Variants in AKAP13 observed in about 807,000 individuals in gnomAD.
The protein encoded by AKAP13 is A-kinase anchoring protein 13, also known as A-kinase anchor protein 13.
A neutral mutation model predicts 264.5 loss-of-function variants in AKAP13; 80 were observed. The observed-to-expected ratio is 0.30, with a 90% CI of 0.25 to 0.36. The LOEUF (loss-of-function observed/expected upper bound fraction) is 0.36, where lower values mean the gene tolerates loss of function less well. AKAP13 is among the 10% of genes least tolerant of loss of function. The pLI, the probability that AKAP13 is intolerant of heterozygous loss-of-function variation, is 1.00. For synonymous variants in AKAP13, 1,380 were observed against 1,250.2 expected (o/e 1.10, Z -2.19); for missense variants, 3,712 against 3,435.2 (o/e 1.08, Z -2.01).
intron 23 of AKAP13, among the ~76,000 whole-genome samples, chr15:85,719,631 T>C (rs1027594968): frequency 1.3e-5 from 2 of 152,130 alleles, no homozygotes; most frequent in Non-Finnish European, 2.9e-5. Context: ...AGAAACAGTA[T>C]AGTTTAAGAA....
intron 1 of AKAP13, among the ~76,000 whole-genome samples, chr15:85,438,451 G>T (rs932330936): frequency 6.6e-6 from 1 of 151,400 alleles, no homozygotes; most frequent in Non-Finnish European, 1.5e-5. Context: ...TTTCTTCACA[G>T]AATTGGAAAA....
At chr15:85,678,609 C>G (rs1462994519) in intron 14 of AKAP13, among the ~76,000 whole-genome samples, 2 of 152,190 alleles carry the variant, frequency 1.3e-5, no homozygotes. Context: ...CACCTCTAAT[C>G]CCAGCACTTT....
In AKAP13 at chr15:85,719,212, C is replaced by A. The variant is rs1276643904; in HGVS notation, c.6138C>A (p.Ile2046=). ...TGTTCCCCTGTTTGGATGAGCTGAT[C>A]AGTATCCATAGCCAATTCTTCCAGA... The part of the protein sequence containing the change: ...EKLFPCLDEL[I]SIHSQFFQRI... The change falls in exon 23 of 37, where the codon ATC becomes ATA. Residue 2046 remains isoleucine (I), a synonymous_variant. Coordinates refer to ENST00000394518, the MANE Select transcript of AKAP13 (RefSeq NM_007200.5). The A allele has an allele frequency of 1.2e-6, 2 of 1,614,024 alleles. No homozygotes were observed. Among genetic ancestry groups the A allele is most frequent in the African/African-American group, 1.3e-5 (1 of 74,916 alleles).
chr15:85,730,997 C>CTTTT lies in AKAP13; in HGVS notation c.7282+311_7282+314dup, dbSNP rs71468134. 3.7e-3 allele frequency among the ~76,000 whole-genome samples: 213 copies of CTTTT among 57,414 alleles called. 1 individual carries two copies. The highest frequency in any genetic ancestry group is 4.3e-3 in the East Asian group (7 of 1,614). The allele number at this position is 57,414 out of a possible 152,430, so 37.7% of individuals were successfully genotyped here. ...ACTGTTTTTTAATTAGTCACTTATG[C>CTTTT]TTTTTTTTTTTTTTTTTTTTTTTTG... On this transcript the variant is annotated intron_variant, in intron 30 of 36. Transcript: ENST00000394518.
intron 20 of AKAP13, among the ~76,000 whole-genome samples, chr15:85,716,536 T>C (rs572009684): frequency 6.6e-6 from 1 of 152,286 alleles, no homozygotes; most frequent in South Asian, 2.1e-4. Context: ...TGCCTTCCCG[T>C]CGGGTGAATA....
intron 2 of AKAP13, among the ~76,000 whole-genome samples, 190 bp from the exon 3 acceptor site, chr15:85,521,238 C>A (rs1393416553): frequency 6.6e-6 from 1 of 152,166 alleles, no homozygotes; most frequent in Non-Finnish European, 1.5e-5. Flanking sequence ...CAGGTTCATT[C>A]TGTATTGTGA....
chr15:85,708,490 G>T lies in AKAP13; in HGVS notation c.5532+404G>T, dbSNP rs2086441688. Among the ~76,000 whole-genome samples, 1 of 152,076 alleles carries T rather than the reference G, an allele frequency of 6.6e-6. No homozygotes were observed. On this transcript the variant is annotated intron_variant, in intron 18 of 36. Coordinates refer to ENST00000394518, the MANE Select transcript of AKAP13 (RefSeq NM_007200.5). The surrounding 1 kb of genome is among the most constrained non-coding windows in gnomAD (Gnocchi z 4.3). ...CAGGGGCATTGACCTGCTGGTGGGGGTGGGGAGGGTGTTATGGTTAGCCCC... is the reference window on the plus strand; with the variant it reads ...CAGGGGCATTGACCTGCTGGTGGGGTTGGGGAGGGTGTTATGGTTAGCCCC...
chr15:85,578,892 C>T (rs1170127849), intron 6 of AKAP13, 38 bp from the exon 7 acceptor site: 1 of 1,583,480 alleles, frequency 6.3e-7, no homozygotes, highest in East Asian at 2.3e-5. Flanking sequence ...TCTTCTCCTA[C>T]AGGCAGTTTT....
intron 9 of AKAP13, among the ~76,000 whole-genome samples, chr15:85,645,346 A>G (rs968791900): frequency 7.2e-5 from 11 of 152,208 alleles, no homozygotes; most frequent in Non-Finnish European, 1.5e-4. Flanking sequence ...AGAGCTATTT[A>G]TGGTAAGAAA....
intron 25 of AKAP13, 60 bp from the exon 26 acceptor site, chr15:85,723,012 C>G (rs2087392994): frequency 1.3e-6 from 2 of 1,574,644 alleles, no homozygotes; most frequent in South Asian, 1.2e-5. Context: ...TCAGGATTCC[C>G]TTGCTTCTGC....
intron 16 of AKAP13, among the ~76,000 whole-genome samples, chr15:85,686,237 C>T (rs898155557): frequency 6.6e-6 from 1 of 151,656 alleles, no homozygotes; most frequent in Admixed American, 6.6e-5. Context: ...GATATATACA[C>T]ACGTAGATAC....
At chr15:85,662,396 G>A (rs375427354) in intron 12 of AKAP13, 1 of 1,613,964 alleles carries the variant, frequency 6.2e-7, no homozygotes, top group African/African-American at 1.3e-5. Flanking sequence ...AGTATGAGCT[G>A]GTGCCCCTCT....
At chr15:85,679,266 A>G (rs530521689) in intron 14 of AKAP13, among the ~76,000 whole-genome samples, 1 of 152,096 alleles carries the variant, frequency 6.6e-6, no homozygotes, top group South Asian at 2.1e-4. Context: ...CAAAAAACCA[A>G]GGTCCTGCTA....
At chr15:85,554,980 A>C (rs1272321660) in intron 5 of AKAP13, among the ~76,000 whole-genome samples, 1 of 151,916 alleles carries the variant, frequency 6.6e-6, no homozygotes, top group Admixed American at 6.6e-5. Context: ...TTTTCTTTGC[A>C]CTCTCCTTAT....
Position 85,741,315 on chromosome 15 carries a change from G to A in AKAP13, c.7878G>A (p.Val2626=). 6.2e-7 allele frequency: 1 copy of A among 1,612,458 alleles called. No individual in the cohort carries two copies. Among genetic ancestry groups the A allele is most frequent in the Non-Finnish European group, 8.5e-7 (1 of 1,179,436 alleles). Residue 2626 remains valine, a synonymous_variant, in exon 35 of 37, where the codon GTG becomes GTA. Coordinates refer to ENST00000394518, the MANE Select transcript of AKAP13 (RefSeq NM_007200.5). The stretch of plus-strand genomic sequence containing the variant: ...TCCTGGCCCAGCGCGAGGAGGAGGT[G>A]CAGCAGGGGCAGCAGGACCTGGAAA... ...EALLAQREEE[V]QQGQQDLEKE...
At chr15:85,675,932 G>A (rs2084201852) in intron 14 of AKAP13, among the ~76,000 whole-genome samples, 1 of 150,128 alleles carries the variant, frequency 6.7e-6, no homozygotes, top group Admixed American at 6.6e-5. Context: ...TTTTTTTTGA[G>A]AAGGAGTCTC....
At chr15:85,538,119 G>C (rs1337752435) in intron 4 of AKAP13, among the ~76,000 whole-genome samples, 1 of 152,050 alleles carries the variant, frequency 6.6e-6, no homozygotes, top group Non-Finnish European at 1.5e-5. Context: ...GTAAGCTAGG[G>C]GGGTGTTTTC....
intron 9 of AKAP13, among the ~76,000 whole-genome samples, chr15:85,644,290 G>C (rs1286279288): frequency 2.0e-5 from 3 of 149,596 alleles, no homozygotes; most frequent in African/African-American, 7.4e-5. Context: ...GGAGTGCAAT[G>C]GCGTGATCTT....
At chr15:85,487,772 C>T (rs2075603393) in intron 2 of AKAP13, among the ~76,000 whole-genome samples, 1 of 151,410 alleles carries the variant, frequency 6.6e-6, no homozygotes, top group East Asian at 1.9e-4. Flanking sequence ...TGCTCTGTCA[C>T]CCAGCCTGGA....
Sources: gnomAD v4.1 joint callset for allele counts (sites outside exome capture counted in the v4.1 genomes callset) on GRCh38, gnomAD v4.1.1 for gene constraint, Gnocchi (gnomAD v3.1) non-coding constraint, MANE v1.5 for transcripts, NCBI Gene and HGNC (gene_info 2026-07-23, HGNC 2026-07-21) for gene names.